The following TRIM21 variants were observed in gnomAD, a reference collection of about 807,000 sequenced individuals.
The protein encoded by TRIM21 is E3 ubiquitin-protein ligase TRIM21.
A neutral mutation model predicts 36.1 loss-of-function variants in TRIM21; 35 were observed. The ratio of observed to expected loss-of-function variants is 0.97; its 90% CI spans 0.74 to 1.28. The LOEUF is 1.28. Among genes scored for constraint, TRIM21 ranks in the 50% most tolerant of loss-of-function variants. The pLI, the probability that TRIM21 is intolerant of heterozygous loss-of-function variation, is 0.00. For missense variants in TRIM21, 635 were observed against 570.7 expected (o/e 1.11, Z -1.15); for synonymous variants, 256 against 211.5 (o/e 1.21, Z -1.83).
At chr11:4,388,717 G>A (rs946307492) in intron 3 of TRIM21, among the ~76,000 whole-genome samples, 187 bp from the exon 4 acceptor site, 1 of 152,104 alleles carries the variant, frequency 6.6e-6, no homozygotes, top group African/African-American at 2.4e-5. Context: ...GAGGTAGGTG[G>A]TTGAGGTTTC....
At position 4,385,697 on chromosome 11, in the gene TRIM21, G is replaced by C. The variant is rs905032994; in HGVS notation, c.1016C>G (p.Ser339Cys). The C allele has an allele frequency of 5.6e-6, 9 of 1,613,242 alleles. No individual in the cohort carries two copies. Among genetic ancestry groups the C allele is most frequent in the South Asian group, 1.1e-5 (1 of 90,868 alleles). Reference protein sequence around the residue: ...PMVLGAQHFHSGKHYWEVDVT... With the variant: ...PMVLGAQHFHCGKHYWEVDVT... ...ATCTACCTCCCAGTAATGTTTTCCA[G>C]AGTGAAAGTGCTGGGCACCCAGGAC... Residue 339 changes from serine to cysteine, a missense_variant, in exon 7 of 7, where the codon TCT becomes TGT. Coordinates refer to ENST00000254436, the MANE Select transcript of TRIM21 (RefSeq NM_003141.4).
intron 1 of TRIM21, among the ~76,000 whole-genome samples, chr11:4,391,116 C>T (rs768614001): frequency 3.9e-5 from 6 of 152,128 alleles, no homozygotes; most frequent in Non-Finnish European, 8.8e-5. Flanking sequence ...GCAAAAGAAA[C>T]AATCCACAAA....
At position 4,385,491 on chromosome 11, in the gene TRIM21, C is replaced by T; in HGVS notation, c.1222G>A (p.Gly408Arg). The part of the protein sequence containing the change: ...LHLQVPPCQV[G>R]IFLDYEAGMV... The stretch of plus-strand genomic sequence containing the variant: ...CCAGCCTCATAGTCCAGGAAAATCC[C>T]AACTTGGCATGGAGGCACCTGAAGG... Residue 408 changes from glycine (G) to arginine (R), a missense_variant, in exon 7 of 7, where the codon GGG becomes AGG. Transcript: ENST00000254436. The T allele has an allele frequency of 6.2e-7, 1 of 1,611,882 alleles. No homozygotes were observed. The highest frequency in any genetic ancestry group is 8.5e-7 in the Non-Finnish European group (1 of 1,178,972).
At chr11:4,388,672 C>A in intron 3 of TRIM21, 142 bp from the exon 4 acceptor site, 1 of 757,174 alleles carries the variant, frequency 1.3e-6, no homozygotes, top group South Asian at 1.7e-5. Flanking sequence ...CACACGCACA[C>A]GCGCGCACAC....
rs1238134046 is a variant in TRIM21, at chr11:4,385,706, T to C, written c.1007A>G (p.His336Arg). The C allele has an allele frequency of 1.2e-6, 2 of 1,613,186 alleles. No individual in the cohort carries two copies. The highest frequency in any genetic ancestry group is 1.7e-6 in the Non-Finnish European group (2 of 1,179,622). ...DSYPMVLGAQ[H>R]FHSGKHYWEV... ...CCAGTAATGTTTTCCAGAGTGAAAG[T>C]GCTGGGCACCCAGGACCATAGGATA... Residue 336 changes from histidine to arginine, a missense_variant, in exon 7 of 7, where the codon CAC (histidine) becomes CGC (arginine). By Grantham distance (29) the His-to-Arg change is conservative. Coordinates refer to ENST00000254436, the MANE Select transcript of TRIM21 (RefSeq NM_003141.4).
At chr11:4,390,570 A>G (rs1217675056) in intron 1 of TRIM21, 112 bp from the exon 2 acceptor site, 1 of 700,910 alleles carries the variant, frequency 1.4e-6, no homozygotes, top group African/African-American at 1.8e-5. Flanking sequence ...CAAAAATAGG[A>G]AAAAACAATC....
chr11:4,389,432 G>T (rs757580774), intron 3 of TRIM21, among the ~76,000 whole-genome samples: 5 of 152,184 alleles, frequency 3.3e-5, no homozygotes, highest in Non-Finnish European at 7.4e-5. Context: ...CTTCTTCCAG[G>T]ATTCTTGATC....
At chr11:4,392,419 TAGC>T (rs1397711597) in intron 1 of TRIM21, among the ~76,000 whole-genome samples, 1 of 151,800 alleles carries the variant, frequency 6.6e-6, no homozygotes, top group African/African-American at 2.4e-5. Flanking sequence ...ATACAAAAAT[TAGC>T]TGGGAGTGGT....
chr11:4,385,116 TG>T lies in TRIM21; in HGVS notation c.*168del. 1.6e-6 allele frequency: 1 copy of T among 617,562 alleles called. No individual in the cohort carries two copies. The highest frequency in any genetic ancestry group is 2.8e-5 in the East Asian group (1 of 35,168). 38.3% of individuals were successfully genotyped at this position (617,562 alleles called of 1,614,324 possible). A position where few individuals can be genotyped will look rare whatever the true frequency, so the allele number is the denominator to read the frequency against. On this transcript the variant is annotated 3_prime_UTR_variant, in exon 7 of 7. Transcript: ENST00000254436. ...CACTGGAGGGAATCACAAAGCCATC[TG>T]GGGCAGGAATGTTGATGGTGAAGTG...
At chr11:4,389,845 G>T (rs986933940) in intron 2 of TRIM21, 96 bp from the exon 3 acceptor site, 35 of 1,485,256 alleles carry the variant, frequency 2.4e-5, no homozygotes, top group Admixed American at 3.4e-5. Context: ...TCCTACGCCT[G>T]GGGAATGAGG....
rs1173267747 is a variant in TRIM21, at chr11:4,385,516, G to A, written c.1197C>T (p.His399=). ...CAACTTGGCATGGAGGCACCTGAAG[G>A]TGGAGGGGAGTCTGGGGGTAGGTGC... The part of the protein sequence containing the change: ...EAGTYPQTPL[H]LQVPPCQVGI... Residue 399 remains histidine (H), a synonymous_variant, in exon 7 of 7, where the codon CAC becomes CAT. Transcript: ENST00000254436. 6.2e-7 allele frequency: 1 copy of A among 1,611,890 alleles called. No homozygotes were observed. Among genetic ancestry groups the A allele is most frequent in the African/African-American group, 1.3e-5 (1 of 74,978 alleles).
chr11:4,386,255 C>G lies in TRIM21; in HGVS notation c.761G>C (p.Ser254Thr). 1 of 1,612,336 alleles carries G rather than the reference C, an allele frequency of 6.2e-7. No individual in the cohort carries two copies. Among genetic ancestry groups the G allele is most frequent in the Non-Finnish European group, 8.5e-7 (1 of 1,178,446 alleles). ...LQEVIIVLERSESWNLKDLDI... is the reference protein window; with the variant it reads ...LQEVIIVLERTESWNLKDLDI... The stretch of plus-strand genomic sequence containing the variant: ...CAGGTCCTTCAGGTTCCAGGACTCA[C>G]TCCTGGGGGAAAGAGAGTTTGAGAC... The change falls in exon 6 of 7, where the codon AGT becomes ACT. Residue 254 changes from serine to threonine, a missense_variant and splice_region_variant. Transcript: ENST00000254436.
rs1461270907 is a variant in TRIM21, at chr11:4,385,967, T to G, written c.860-114A>C. ...GGTAAGCATGAGGGGTGAACCTCCC[T>G]GTGTGAGGAAATGACCATCAGCCAG... On this transcript the variant is annotated intron_variant, in intron 6 of 6. Transcript: ENST00000254436. 102 of 1,180,098 alleles carry G rather than the reference T, an allele frequency of 8.6e-5. 5 individuals are homozygous for G. The South Asian group carries it at 1.5e-3, about 18-fold the overall frequency. 73.1% of individuals were successfully genotyped at this position (1,180,098 alleles called of 1,614,324 possible). A position where few individuals can be genotyped will look rare whatever the true frequency, so the allele number is the denominator to read the frequency against.
At position 4,386,355 on chromosome 11, in the gene TRIM21, C is replaced by A. The variant is rs756850342; in HGVS notation, c.759-98G>T. On this transcript the variant is annotated intron_variant, in intron 5 of 6. Coordinates refer to ENST00000254436, the MANE Select transcript of TRIM21 (RefSeq NM_003141.4). The stretch of plus-strand genomic sequence containing the variant: ...GGAGGACTCCGATAATTTAATTCAA[C>A]TCAAATTTACAAAGACCTCTGGTGT... 3 of 1,021,828 alleles carry A rather than the reference C, an allele frequency of 2.9e-6. No homozygotes were observed. The South Asian group carries it at 4.1e-5, about 14-fold the overall frequency. 63.3% of individuals were successfully genotyped at this position (1,021,828 alleles called of 1,614,324 possible). A position where few individuals can be genotyped will look rare whatever the true frequency, so the allele number is the denominator to read the frequency against.
rs750740737 is a variant in TRIM21 at position 4,390,383 on chromosome 11, C to A, written c.27G>T (p.Met9Ile). 2 of 1,610,624 alleles carry A rather than the reference C, an allele frequency of 1.2e-6. No individual in the cohort carries two copies. Among genetic ancestry groups the A allele is most frequent in the Admixed American group, 1.7e-5 (1 of 59,964 alleles). The change falls in exon 2 of 7, where the codon ATG becomes ATT. Residue 9 changes from methionine (M) to isoleucine (I), a missense_variant. Physicochemically the swap from Met to Ile is conservative, Grantham distance 10. Transcript: ENST00000254436. ...TAGGGCATGTGACCTCCTCCCACATCATTGTCAAGCGTGCTGCTGAAGCCA... is the reference window on the plus strand; with the variant it reads ...TAGGGCATGTGACCTCCTCCCACATAATTGTCAAGCGTGCTGCTGAAGCCA... MASAARLT[M>I]MWEEVTCPIC...
intron 4 of TRIM21, 90 bp from the exon 5 acceptor site, chr11:4,387,080 C>G: frequency 7.4e-7 from 1 of 1,349,004 alleles, no homozygotes; most frequent in South Asian, 1.3e-5. Flanking sequence ...CATCTTTGGT[C>G]CCTGGGGCAC....
At position 4,385,383 on chromosome 11, in the gene TRIM21, G is replaced by A. The variant is rs1442460003; in HGVS notation, c.1330C>T (p.Pro444Ser). The A allele has an allele frequency of 3.3e-5, 54 of 1,613,768 alleles. No individual in the cohort carries two copies. Among genetic ancestry groups the A allele is most frequent in the Non-Finnish European group, 4.3e-5 (51 of 1,179,862 alleles). The part of the protein sequence containing the change: ...SECAFTGPLR[P>S]FFSPGFNDGG... ...TCATTGAAACCAGGACTGAAGAAGG[G>A]CCGCAGAGGTCCTGTAAAGGCACAT... The change falls in exon 7 of 7, where the codon CCC (proline) becomes TCC (serine). Residue 444 changes from proline to serine, a missense_variant. Physicochemically the swap from Pro to Ser is moderately conservative, Grantham distance 74. Transcript: ENST00000254436.
intron 3 of TRIM21, 85 bp downstream of exon 3, chr11:4,389,569 C>T: frequency 8.6e-7 from 1 of 1,162,848 alleles, no homozygotes; most frequent in South Asian, 1.2e-5. Context: ...CAGAGAGGCA[C>T]AGCTACGGTT....
Position 4,387,002 on chromosome 11 carries a change from A to C in TRIM21, c.736-12T>G, listed in dbSNP as rs779395617. 4.4e-6 allele frequency: 7 copies of C among 1,573,518 alleles called. No individual in the cohort carries two copies. Among genetic ancestry groups the C allele is most frequent in the Non-Finnish European group, 6.0e-6 (7 of 1,158,182 alleles). ...ACAATTATCACCTCCTGAGGAGAAA[A>C]GAGACAGAAAGTAAGTTCTGGATTG... is the stretch of plus-strand genomic sequence containing the variant. On this transcript the variant is annotated splice_polypyrimidine_tract_variant and intron_variant, in intron 4 of 6. Transcript: ENST00000254436.
Sources: allele counts gnomAD v4.1 joint callset (sites outside exome capture counted in the v4.1 genomes callset), GRCh38; gene constraint gnomAD v4.1.1; transcripts MANE v1.5; gene names NCBI Gene and HGNC (gene_info 2026-07-23, HGNC 2026-07-21).